The following LNP1 variants were observed in gnomAD, a reference collection of about 807,000 sequenced individuals.
LNP1 encodes the protein leukemia NUP98 fusion partner 1.
In LNP1, 12 loss-of-function variants were observed where a neutral mutation model predicts 14.5. That is an observed-to-expected ratio of 0.83 (90% CI 0.53 to 1.34). The LOEUF (loss-of-function observed/expected upper bound fraction) is 1.34. LNP1 is among the 40% of genes most tolerant of loss of function. The probability of loss-of-function intolerance (pLI) is 0.00; values close to 1 mark genes in which losing one functional copy is unlikely to be tolerated. For synonymous variants in LNP1, 75 were observed against 71.4 expected, an observed-to-expected ratio of 1.05 and a Z score of -0.26; for missense variants, 198 against 210.9, an observed-to-expected ratio of 0.94 and a Z score of 0.38.
chr3:100,409,550 A>G (rs1352332540), intron 1 of LNP1, among the ~76,000 whole-genome samples: 3 of 134,030 alleles, frequency 2.2e-5, no homozygotes, highest in Non-Finnish European at 3.2e-5. Flanking sequence ...CTCTATATAT[A>G]TATACATACA....
At chr3:100,409,757 G>C (rs1015072270) in intron 1 of LNP1, among the ~76,000 whole-genome samples, 6 of 151,048 alleles carry the variant, frequency 4.0e-5, no homozygotes, top group Non-Finnish European at 7.4e-5. Context: ...ACTGTGCCCA[G>C]CTAATTTTTG....
At chr3:100,452,796 G>A (rs997696805) in intron 3 of LNP1, among the ~76,000 whole-genome samples, 6 of 152,040 alleles carry the variant, frequency 3.9e-5, no homozygotes, top group African/African-American at 1.4e-4. Flanking sequence ...TGAAATAGGG[G>A]GAAGAATAGA....
At chr3:100,438,860 CAG>C (rs1004864042) in intron 2 of LNP1, among the ~76,000 whole-genome samples, 7 of 152,102 alleles carry the variant, frequency 4.6e-5, no homozygotes, top group African/African-American at 9.7e-5. Flanking sequence ...ATTCACAAAA[CAG>C]GGGATAGATA....
chr3:100,432,008 A>T (rs1159019587), intron 2 of LNP1, among the ~76,000 whole-genome samples: 1 of 10,866 alleles, frequency 9.2e-5, no homozygotes, highest in African/African-American at 2.6e-4. Flanking sequence ...ATATATATAT[A>T]TATATATATA....
chr3:100,440,713 T>C (rs1707336469), intron 2 of LNP1, among the ~76,000 whole-genome samples: 2 of 152,208 alleles, frequency 1.3e-5, no homozygotes, highest in Non-Finnish European at 2.9e-5. Flanking sequence ...TGCTGGGTAC[T>C]AGCAGAGAGT....
chr3:100,429,689 G>T lies in LNP1; in HGVS notation c.-33-8G>T. 1 of 1,571,276 alleles carries T rather than the reference G, an allele frequency of 6.4e-7. No homozygotes were observed. ...CTGTTGGGTGATATTTCCCTCTGTC[G>T]CATTTAGGGACAGGCCTTCAGTATT... On this transcript the variant is annotated splice_region_variant and splice_polypyrimidine_tract_variant and intron_variant, in intron 1 of 3. Coordinates refer to ENST00000383693, the MANE Select transcript of LNP1 (RefSeq NM_001085451.2).
intron 1 of LNP1, among the ~76,000 whole-genome samples, chr3:100,429,222 G>C (rs1177569612): frequency 1.3e-5 from 2 of 152,168 alleles, no homozygotes; most frequent in Non-Finnish European, 2.9e-5. Context: ...TCTAGCTCCA[G>C]ATATGACATG....
In LNP1 at chr3:100,451,753, G is replaced by A. The variant is rs1345899743; in HGVS notation, c.191G>A (p.Cys64Tyr). Residue 64 changes from cysteine to tyrosine, a missense_variant, in exon 3 of 4, where the codon TGC (cysteine) becomes TAC (tyrosine). Coordinates refer to ENST00000383693, the MANE Select transcript of LNP1 (RefSeq NM_001085451.2). ...PVLPRIPSSD[C>Y]HPRRHSHEDQ... ...CTTCCCAGAATTCCATCATCTGACTGCCATCCTAGAAGGCATTCTCATGAG... is the reference window on the plus strand; with the variant it reads ...CTTCCCAGAATTCCATCATCTGACTACCATCCTAGAAGGCATTCTCATGAG... 1.2e-6 allele frequency: 2 copies of A among 1,612,030 alleles called. No homozygotes were observed. The highest frequency in any genetic ancestry group is 1.1e-5 in the South Asian group (1 of 90,998).
At chr3:100,423,234 G>A (rs1270197800) in intron 1 of LNP1, among the ~76,000 whole-genome samples, 2 of 152,058 alleles carry the variant, frequency 1.3e-5, no homozygotes, top group Admixed American at 6.6e-5. Context: ...GAATGAGACC[G>A]GTTCAGTCAA....
intron 3 of LNP1, among the ~76,000 whole-genome samples, chr3:100,452,394 A>T (rs1707468947): frequency 6.6e-6 from 1 of 150,698 alleles, no homozygotes; most frequent in Non-Finnish European, 1.5e-5. Flanking sequence ...TTTTCTAGAG[A>T]CAGGGTCTTG....
chr3:100,432,026 AT>A (rs1559843915), intron 2 of LNP1, among the ~76,000 whole-genome samples: 4 of 40,952 alleles, frequency 9.8e-5, no homozygotes, highest in African/African-American at 3.6e-4. Context: ...ATATATATAT[AT>A]ATATATATAT....
intron 1 of LNP1, among the ~76,000 whole-genome samples, chr3:100,403,908 G>T (rs1706938536): frequency 6.6e-6 from 1 of 152,166 alleles, no homozygotes; most frequent in African/African-American, 2.4e-5. Flanking sequence ...TACATGAAAG[G>T]CCTTTCAGAT....
intron 3 of LNP1, among the ~76,000 whole-genome samples, 173 bp downstream of exon 3, chr3:100,452,122 T>C (rs1707465988): frequency 6.6e-6 from 1 of 152,106 alleles, no homozygotes; most frequent in East Asian, 1.9e-4. Context: ...TTTTAAAGAA[T>C]ATTATTTATA....
chr3:100,439,610 C>T (rs114627617), intron 2 of LNP1, among the ~76,000 whole-genome samples: 2,160 of 152,260 alleles, frequency 0.014, 28 homozygotes, highest in African/African-American at 0.04. Flanking sequence ...CCTCTACCCC[C>T]CTAACACCCA....
intron 2 of LNP1, among the ~76,000 whole-genome samples, chr3:100,437,438 G>C (rs1198243648): frequency 2.6e-5 from 4 of 152,122 alleles, no homozygotes; most frequent in African/African-American, 9.7e-5. Context: ...GTAATAGTGT[G>C]ACCAAGCAGG....
intron 1 of LNP1, among the ~76,000 whole-genome samples, chr3:100,408,135 TG>T (rs1292634469): frequency 6.6e-6 from 1 of 152,230 alleles, no homozygotes; most frequent in African/African-American, 2.4e-5. Context: ...AGTGATGTCA[TG>T]ATTCCCCGAT....
At chr3:100,433,315 G>A (rs1451743614) in intron 2 of LNP1, among the ~76,000 whole-genome samples, 1 of 152,112 alleles carries the variant, frequency 6.6e-6, no homozygotes, top group East Asian at 1.9e-4. Context: ...GAGAACATGT[G>A]GTGTTTGGTT....
At chr3:100,422,555 T>G (rs1319065152) in intron 1 of LNP1, among the ~76,000 whole-genome samples, 2 of 152,272 alleles carry the variant, frequency 1.3e-5, no homozygotes, top group East Asian at 3.9e-4. Flanking sequence ...AATAACACTT[T>G]TGGAGACAAA....
At chr3:100,448,211 T>G (rs1411926491) in intron 2 of LNP1, among the ~76,000 whole-genome samples, 5 of 152,172 alleles carry the variant, frequency 3.3e-5, no homozygotes, top group African/African-American at 9.6e-5. Context: ...GCTTTTAACC[T>G]CCTTTTAAGC....
Sources: gnomAD v4.1 joint callset for allele counts (sites outside exome capture counted in the v4.1 genomes callset) on GRCh38, gnomAD v4.1.1 for gene constraint, MANE v1.5 for transcripts, NCBI Gene and HGNC (gene_info 2026-07-23, HGNC 2026-07-21) for gene names.